HECW2: variants seen among roughly 807,000 people sequenced by gnomAD.
The protein encoded by HECW2 is E3 ubiquitin-protein ligase HECW2.
HECW2 carries 61 observed loss-of-function variants against 175.2 expected under a neutral mutation model. The observed-to-expected ratio is 0.35, with a 90% CI of 0.28 to 0.43. HECW2 has a LOEUF of 0.43. HECW2 is among the 20% of genes least tolerant of loss of function. The pLI is 1.00. For synonymous variants in HECW2, 671 were observed against 731.0 expected, an observed-to-expected ratio of 0.92 and a Z score of 1.32; for missense variants, 1,524 against 2,000.5, an observed-to-expected ratio of 0.76 and a Z score of 4.54.
chr2:196,433,462 C>G lies in HECW2; in HGVS notation c.-35-4G>C. ...CTGGGATTGGCTGCCTACAAAGCTGCAAGAGACAGATAAACATAAAACATT... is the reference window on the plus strand; with the variant it reads ...CTGGGATTGGCTGCCTACAAAGCTGGAAGAGACAGATAAACATAAAACATT... On this transcript the variant is annotated splice_polypyrimidine_tract_variant and splice_region_variant and intron_variant, in intron 1 of 28. Coordinates refer to ENST00000644978, the MANE Select transcript of HECW2 (RefSeq NM_001348768.2). The G allele has an allele frequency of 6.3e-7, 1 of 1,585,818 alleles. No homozygotes were observed. The highest frequency in any genetic ancestry group is 8.6e-7 in the Non-Finnish European group (1 of 1,165,852).
At chr2:196,445,424 T>A (rs1021439174) in intron 1 of HECW2, among the ~76,000 whole-genome samples, 1 of 152,232 alleles carries the variant, frequency 6.6e-6, no homozygotes, top group Non-Finnish European at 1.5e-5. Flanking sequence ...GGCTTTTTTT[T>A]AAACTTTTAC....
At chr2:196,222,430 GAAGAATAA>G in intron 23 of HECW2, 90 bp from the exon 24 acceptor site, 1 of 1,254,396 alleles carries the variant, frequency 8.0e-7, no homozygotes, top group Non-Finnish European at 1.1e-6. Context: ...GAATTAAAGA[GAAGAATAA>G]GAGCCACTAC....
chr2:196,235,267 T>G (rs1255966526), intron 21 of HECW2, among the ~76,000 whole-genome samples: 1 of 151,816 alleles, frequency 6.6e-6, no homozygotes, highest in East Asian at 1.9e-4. Context: ...CCAGCTAATT[T>G]TTTTGTATTT....
At chr2:196,231,944 G>C (rs1051596230) in intron 21 of HECW2, among the ~76,000 whole-genome samples, 1 of 152,108 alleles carries the variant, frequency 6.6e-6, no homozygotes, top group Non-Finnish European at 1.5e-5. Flanking sequence ...AGCAGAGATC[G>C]CGCCACTGCA....
intron 1 of HECW2, among the ~76,000 whole-genome samples, chr2:196,583,264 T>C (rs1690857071): frequency 6.6e-6 from 1 of 152,154 alleles, no homozygotes; most frequent in Non-Finnish European, 1.5e-5. Flanking sequence ...CAAGCTCCTA[T>C]ATGAAGTAGC....
intron 2 of HECW2, among the ~76,000 whole-genome samples, chr2:196,391,369 A>G (rs545120466): frequency 6.6e-6 from 1 of 152,292 alleles, no homozygotes; most frequent in East Asian, 1.9e-4. Flanking sequence ...TAAAGGTCAC[A>G]CAAATGATCT....
At chr2:196,357,855 C>T (rs993162558) in intron 2 of HECW2, among the ~76,000 whole-genome samples, 5 of 152,150 alleles carry the variant, frequency 3.3e-5, no homozygotes, top group East Asian at 1.9e-4. Context: ...CTGCCATGAT[C>T]GTAAGTTTCC....
intron 1 of HECW2, among the ~76,000 whole-genome samples, chr2:196,485,494 G>A (rs1454058509): frequency 6.6e-6 from 1 of 152,184 alleles, no homozygotes; most frequent in Non-Finnish European, 1.5e-5. Context: ...TTCCAAGATG[G>A]TGCCTTGTTG....
intron 1 of HECW2, among the ~76,000 whole-genome samples, chr2:196,589,335 C>T (rs1691099961): frequency 1.3e-5 from 2 of 152,206 alleles, no homozygotes; most frequent in Admixed American, 6.5e-5. Flanking sequence ...AGTAAGTGAG[C>T]TGTGTTACAA....
At chr2:196,254,742 T>C (rs997659523) in intron 18 of HECW2, among the ~76,000 whole-genome samples, 1 of 152,196 alleles carries the variant, frequency 6.6e-6, no homozygotes, top group Non-Finnish European at 1.5e-5. Context: ...GCCCAGACAA[T>C]ATGAGAGTTC....
chr2:196,579,683 T>C (rs1229085447), intron 1 of HECW2, among the ~76,000 whole-genome samples: 2 of 152,040 alleles, frequency 1.3e-5, no homozygotes, highest in African/African-American at 4.8e-5. Context: ...ATACAACCGG[T>C]AAGAAGTAAT....
intron 1 of HECW2, among the ~76,000 whole-genome samples, chr2:196,569,471 T>C (rs1690306139): frequency 1.3e-5 from 2 of 152,224 alleles, no homozygotes; most frequent in Admixed American, 1.3e-4. Flanking sequence ...TTTTTCCATA[T>C]GATACTTTTT....
intron 5 of HECW2, among the ~76,000 whole-genome samples, 182 bp from the exon 6 acceptor site, chr2:196,325,331 G>A (rs1350543495): frequency 2.0e-5 from 3 of 152,096 alleles, no homozygotes; most frequent in Admixed American, 6.5e-5. Flanking sequence ...AAACAGAAAC[G>A]GCTCTGTAAC....
At chr2:196,336,051 G>A (rs1692539226) in intron 3 of HECW2, among the ~76,000 whole-genome samples, 1 of 152,164 alleles carries the variant, frequency 6.6e-6, no homozygotes, top group Non-Finnish European at 1.5e-5. Context: ...GAAAAAACAG[G>A]TCTAATGGAT....
intron 7 of HECW2, 69 bp downstream of exon 7, chr2:196,322,409 C>T (rs540695036): frequency 7.3e-7 from 1 of 1,364,840 alleles, no homozygotes; most frequent in Admixed American, 2.2e-5. Flanking sequence ...CTAGGACTAC[C>T]AAGTTTCATG....
At chr2:196,494,157 T>C (rs981824291) in intron 1 of HECW2, among the ~76,000 whole-genome samples, 2 of 152,208 alleles carry the variant, frequency 1.3e-5, no homozygotes, top group Admixed American at 6.5e-5. Context: ...GCAGGACTTG[T>C]TCAGGAAAAT....
intron 1 of HECW2, among the ~76,000 whole-genome samples, chr2:196,539,189 C>T (rs780145915): frequency 1.6e-4 from 25 of 152,064 alleles, no homozygotes; most frequent in African/African-American, 4.6e-4. Context: ...TGTAGGATCT[C>T]GGGCAAATCA....
Position 196,555,190 on chromosome 2 carries a change from A to G in HECW2, c.-36+38318T>C, listed in dbSNP as rs543802021. The stretch of plus-strand genomic sequence containing the variant: ...ATAACAAATACCATAAACTGGGTAG[A>G]TTATTAGCAACAGAAATGTATTTAT... On this transcript the variant is annotated intron_variant, in intron 1 of 28. Coordinates refer to ENST00000644978, the MANE Select transcript of HECW2 (RefSeq NM_001348768.2). 2.0e-5 allele frequency among the ~76,000 whole-genome samples: 3 copies of G among 152,310 alleles called. No individual in the cohort carries two copies. In the East Asian group the frequency reaches 5.8e-4, roughly 29 times the overall value.
intron 2 of HECW2, among the ~76,000 whole-genome samples, chr2:196,397,688 C>T (rs1400816906): frequency 6.6e-6 from 1 of 152,166 alleles, no homozygotes; most frequent in African/African-American, 2.4e-5. Flanking sequence ...CATGTTTTCC[C>T]GTTTAAATTA....
Sources: allele counts gnomAD v4.1 joint callset (sites outside exome capture counted in the v4.1 genomes callset), GRCh38; gene constraint gnomAD v4.1.1; transcripts MANE v1.5; gene names NCBI Gene and HGNC (gene_info 2026-07-23, HGNC 2026-07-21).